The following SPRED3 variants were observed in gnomAD, a reference collection of about 807,000 sequenced individuals.
The protein encoded by SPRED3 is sprouty related EVH1 domain containing 3.
In SPRED3, 23 loss-of-function variants were observed where a neutral mutation model predicts 37.6. That is an observed-to-expected ratio of 0.61 (90% CI 0.44 to 0.87). SPRED3 has a LOEUF of 0.87. SPRED3 is among the 40% of genes least tolerant of loss of function. The pLI, the probability that SPRED3 is intolerant of heterozygous loss-of-function variation, is 0.00. For missense variants in SPRED3, 584 were observed against 618.6 expected (o/e 0.94, Z 0.59); for synonymous variants, 302 against 279.6 (o/e 1.08, Z -0.80).
At position 38,396,108 on chromosome 19, in the gene SPRED3, C is replaced by A. The variant is rs1332651626; in HGVS notation, c.1196C>A (p.Ala399Asp). ...CHWVAARCGC[A>D]GCGGRHEEAA... ...TGGGTCGCAGCGCGATGCGGCTGCGCCGGCTGCGGGGGTCGCCACGAGGAG... is the reference window on the plus strand; with the variant it reads ...TGGGTCGCAGCGCGATGCGGCTGCGACGGCTGCGGGGGTCGCCACGAGGAG... Residue 399 changes from alanine to aspartate, a missense_variant, in exon 6 of 6, where the codon GCC (alanine) becomes GAC (aspartate). Transcript: ENST00000691638. The A allele has an allele frequency of 7.7e-7, 1 of 1,292,752 alleles. No homozygotes were observed. The highest frequency in any genetic ancestry group is 2.4e-5 in the South Asian group (1 of 41,090). 80.1% of individuals were successfully genotyped at this position (1,292,752 alleles called of 1,614,324 possible).
At position 38,395,553 on chromosome 19, in the gene SPRED3, G is replaced by C. The variant is rs772628012; in HGVS notation, c.641G>C (p.Gly214Ala). ...CCCCTGGCAGGGGCAGGGGGCCTGG[G>C]GTGGGGCGGCCGCGGCTACGAGGAT... ...SEPLAGAGGLGWGGRGYEDYR... is the reference protein window; with the variant it reads ...SEPLAGAGGLAWGGRGYEDYR... The change falls in exon 6 of 6, where the codon GGG (glycine) becomes GCG (alanine). Residue 214 changes from glycine to alanine, a missense_variant. By Grantham distance (60) the Gly-to-Ala change is moderately conservative. This residue lies in a region of SPRED3 where 310 missense variants were observed against 281.1 expected (regional missense o/e 1.10). Coordinates refer to ENST00000691638, the MANE Select transcript of SPRED3 (RefSeq NM_001394336.1). This position sits in a 1 kb window ranked among gnomAD's most constrained non-coding sequence, Gnocchi z 5.2. 1.9e-6 allele frequency: 3 copies of C among 1,555,622 alleles called. No individual in the cohort carries two copies. Among genetic ancestry groups the C allele is most frequent in the Non-Finnish European group, 2.6e-6 (3 of 1,153,618 alleles).
rs1970880954 is a variant in SPRED3, at chr19:38,395,317, C to T, written c.568-163C>T. On this transcript the variant is annotated intron_variant, in intron 5 of 5. Transcript: ENST00000691638. This position sits in a 1 kb window ranked among gnomAD's most constrained non-coding sequence, Gnocchi z 5.2. ...AGGTGTGGGGTTGGTGCGTGGATTCCTCTGTCTGTCCCTGGAGAAAAGTGG... is the reference window on the plus strand; with the variant it reads ...AGGTGTGGGGTTGGTGCGTGGATTCTTCTGTCTGTCCCTGGAGAAAAGTGG... 6.6e-6 allele frequency among the ~76,000 whole-genome samples: 1 copy of T among 152,134 alleles called. No individual in the cohort carries two copies. Among genetic ancestry groups the T allele is most frequent in the African/African-American group, 2.4e-5 (1 of 41,430 alleles).
In SPRED3 at chr19:38,395,885, C is replaced by T. The variant is rs1970891054; in HGVS notation, c.973C>T (p.Leu325=). The change falls in exon 6 of 6, where the codon CTG becomes TTG. Residue 325 remains leucine, a synonymous_variant. Coordinates refer to ENST00000691638, the MANE Select transcript of SPRED3 (RefSeq NM_001394336.1). This position sits in a 1 kb window ranked among gnomAD's most constrained non-coding sequence, Gnocchi z 5.2. Reference sequence around the variant, plus strand: ...AGAGGCCCCGGACCCGGGTCGCCTCCTGGTGCGCCGTCTAAGCTGCCTGTG... The same window carrying T: ...AGAGGCCCCGGACCCGGGTCGCCTCTTGGTGCGCCGTCTAAGCTGCCTGTG... ...CAEAPDPGRL[L]VRRLSCLWCA... is the part of the protein sequence containing the mutation. 1.3e-6 allele frequency: 2 copies of T among 1,501,718 alleles called. No homozygotes were observed. The highest frequency in any genetic ancestry group is 1.8e-6 in the Non-Finnish European group (2 of 1,133,770). 93.0% of individuals were successfully genotyped at this position (1,501,718 alleles called of 1,614,324 possible).
intron 4 of SPRED3, among the ~76,000 whole-genome samples, chr19:38,394,034 C>T (rs1161565302): frequency 6.6e-6 from 1 of 152,192 alleles, no homozygotes; most frequent in Non-Finnish European, 1.5e-5. Flanking sequence ...GAGTCTGGCA[C>T]GTCGTGGGTG....
chr19:38,390,777 C>CT (rs1555745957), intron 2 of SPRED3, among the ~76,000 whole-genome samples: 4 of 129,284 alleles, frequency 3.1e-5, no homozygotes, highest in Non-Finnish European at 6.8e-5. Flanking sequence ...CCCCCCCCCC[C>CT]GCCCCGACTC....
Position 38,390,421 on chromosome 19 carries a change from AG to A in SPRED3, c.127del (p.Ala43ProfsTer24), listed in dbSNP as rs754253989. 1.1e-4 allele frequency: 149 copies of A among 1,329,516 alleles called. No homozygotes were observed. The highest frequency in any genetic ancestry group is 7.0e-4 in the South Asian group (34 of 48,440). The allele number at this position is 1,329,516 out of a possible 1,614,324, so 82.4% of individuals were successfully genotyped here. On this transcript the variant is annotated frameshift_variant, in exon 2 of 6. Transcript: ENST00000691638. LOFTEE classifies it high-confidence loss of function. ...TGTCGGGTCCGAGGGGCCAGGCCCGAGGGGGGGGCCCGCCAGGGGCACTACG... is the reference window on the plus strand; with the variant it reads ...TGTCGGGTCCGAGGGGCCAGGCCCGAGGGGGGGCCCGCCAGGGGCACTACG... ...SVCRVRGARPEGGARQGHYVI... is the reference protein window; with the variant it reads ...SVCRVRGARPXGGARQGHYVI...
Position 38,397,514 on chromosome 19 carries a change from C to T in SPRED3, c.*1369C>T, listed in dbSNP as rs1285638313. On this transcript the variant is annotated 3_prime_UTR_variant, in exon 6 of 6. Transcript: ENST00000691638. ...TTCGAGGTGCCCCAAGACCCCAGCA[C>T]CCTCAGACCCCAGATTTCTTTGGAT... is the stretch of plus-strand genomic sequence containing the variant. 1 of 152,140 alleles carries T rather than the reference C, an allele frequency of 6.6e-6. No homozygotes were observed. Among genetic ancestry groups the T allele is most frequent in the Non-Finnish European group, 1.5e-5 (1 of 68,092 alleles). The allele number at this position is 152,140 out of a possible 1,614,324, so 9.4% of individuals were successfully genotyped here.
intron 2 of SPRED3, among the ~76,000 whole-genome samples, chr19:38,391,182 G>A (rs1483669854): frequency 6.6e-6 from 1 of 151,942 alleles, no homozygotes; most frequent in Non-Finnish European, 1.5e-5. Flanking sequence ...GGGAATCTGT[G>A]GAAGTCTGAT....
chr19:38,396,067 C>G lies in SPRED3; in HGVS notation c.1155C>G (p.Pro385=). The G allele has an allele frequency of 1.5e-6, 2 of 1,348,774 alleles. No individual in the cohort carries two copies. The highest frequency in any genetic ancestry group is 1.9e-6 in the Non-Finnish European group (2 of 1,055,452). 83.6% of individuals were successfully genotyped at this position (1,348,774 alleles called of 1,614,324 possible). ...TGCCCTGCCTCTGCTGCTACGCGCC[C>G]CTGCGCGCGTGCCACTGGGTCGCAG... ...LAVPCLCCYA[P]LRACHWVAAR... Residue 385 remains proline, a synonymous_variant, in exon 6 of 6, where the codon CCC becomes CCG. Transcript: ENST00000691638.
At position 38,392,223 on chromosome 19, in the gene SPRED3, C is replaced by CCCT. The variant is rs151129136; in HGVS notation, c.381_383dup (p.Ser128dup). 2.1e-4 allele frequency: 324 copies of CCCT among 1,570,380 alleles called. No homozygotes were observed. The highest frequency in any genetic ancestry group is 6.7e-4 in the South Asian group (56 of 84,200). On this transcript the variant is annotated inframe_insertion, in exon 4 of 6. Coordinates refer to ENST00000691638, the MANE Select transcript of SPRED3 (RefSeq NM_001394336.1). ...TCTCCCTGCCCCAGGCTCACTCACCCCCTCCTCCTCCTCCTCCTCCTCCTC... is the reference window on the plus strand; with the variant it reads ...TCTCCCTGCCCCAGGCTCACTCACCCCCTCCTCCTCCTCCTCCTCCTCCTCCTC...
Position 38,395,341 on chromosome 19 carries a change from G to T in SPRED3, c.568-139G>T, listed in dbSNP as rs1970881390. 3.9e-6 allele frequency: 3 copies of T among 775,348 alleles called. No homozygotes were observed. In the East Asian group the frequency reaches 1.0e-4, roughly 26 times the overall value. 48.0% of individuals were successfully genotyped at this position (775,348 alleles called of 1,614,324 possible). On this transcript the variant is annotated intron_variant, in intron 5 of 5. Transcript: ENST00000691638. This position sits in a 1 kb window ranked among gnomAD's most constrained non-coding sequence, Gnocchi z 5.2. ...CCTCTGTCTGTCCCTGGAGAAAAGTGGGGATTGAGGGACCTTGGGAGAGAA... is the reference window on the plus strand; with the variant it reads ...CCTCTGTCTGTCCCTGGAGAAAAGTTGGGATTGAGGGACCTTGGGAGAGAA...
In SPRED3 at chr19:38,395,765, G is replaced by A; in HGVS notation, c.853G>A (p.Ala285Thr). ...CGGCCCGGGCCCATCCTCTGCGCCT[G>A]CCAAGGCCTCCCCGGAAGCGGAGGA... ...PPGPGPSSAP[A>T]KASPEAEEAA... Residue 285 changes from alanine (A) to threonine (T), a missense_variant, in exon 6 of 6, where the codon GCC becomes ACC. Transcript: ENST00000691638. This position sits in a 1 kb window ranked among gnomAD's most constrained non-coding sequence, Gnocchi z 5.2. 6.8e-7 allele frequency: 1 copy of A among 1,460,218 alleles called. No homozygotes were observed. The highest frequency in any genetic ancestry group is 9.0e-7 in the Non-Finnish European group (1 of 1,114,750). The allele number at this position is 1,460,218 out of a possible 1,614,324, so 90.5% of individuals were successfully genotyped here.
rs972204600 is a variant in SPRED3 at position 38,390,629 on chromosome 19, G to A, written c.177+150G>A. The A allele has an allele frequency of 6.0e-5, 37 of 615,492 alleles. No individual in the cohort carries two copies. In the African/African-American group the frequency reaches 6.7e-4, roughly 11 times the overall value. 38.1% of individuals were successfully genotyped at this position (615,492 alleles called of 1,614,324 possible). A position where few individuals can be genotyped will look rare whatever the true frequency, so the allele number is the denominator to read the frequency against. On this transcript the variant is annotated intron_variant, in intron 2 of 5. Transcript: ENST00000691638. ...GAGTGAATATCTGTCCTGTAGATAA[G>A]AGTTGGGAATTGCAGGATACATGGG... is the stretch of plus-strand genomic sequence containing the variant.
chr19:38,392,075 C>T lies in SPRED3; in HGVS notation c.307C>T (p.Gln103Ter), dbSNP rs1970839164. ...FQSPAEADEF[Q>*]KSLLAALAAL... ...GAGCCCTGCAGAGGCTGATGAGTTC[C>T]AGAAGAGCCTGCTGGCTGCGCTGGC... The change falls in exon 3 of 6, where the codon CAG becomes TAG. Residue 103 changes from glutamine to a stop codon, truncating the protein, a stop_gained. Transcript: ENST00000691638. LOFTEE classifies it high-confidence loss of function. 6.2e-7 allele frequency: 1 copy of T among 1,614,220 alleles called. No individual in the cohort carries two copies. The highest frequency in any genetic ancestry group is 8.5e-7 in the Non-Finnish European group (1 of 1,180,034).
chr19:38,394,819 A>G (rs1453251202), intron 5 of SPRED3, 33 bp downstream of exon 5: 1 of 1,518,268 alleles, frequency 6.6e-7, no homozygotes. Flanking sequence ...TCCTGGGGGA[A>G]TGGGGCGGTG....
In SPRED3 at chr19:38,391,999, C is replaced by T; in HGVS notation, c.231C>T (p.Pro77=). 1 of 1,614,190 alleles carries T rather than the reference C, an allele frequency of 6.2e-7. No individual in the cohort carries two copies. Among genetic ancestry groups the T allele is most frequent in the East Asian group, 2.2e-5 (1 of 44,884 alleles). ...GCTTGGTTTACAACAAGGTGAATCC[C>T]ATCTTTCACCACTGGAGCCTGGGTG... The part of the protein sequence containing the change: ...KPGLVYNKVN[P]IFHHWSLGDC... Residue 77 remains proline, a synonymous_variant, in exon 3 of 6, where the codon CCC becomes CCT. Coordinates refer to ENST00000691638, the MANE Select transcript of SPRED3 (RefSeq NM_001394336.1).
intron 4 of SPRED3, chr19:38,394,411 G>A: frequency 1.3e-6 from 2 of 1,536,616 alleles, no homozygotes; most frequent in Non-Finnish European, 1.8e-6. Flanking sequence ...GGCCCTAACC[G>A]CATCCTTATG....
chr19:38,392,182 A>G (rs557157376), intron 3 of SPRED3, 30 bp from the exon 4 acceptor site: 1 of 1,600,206 alleles, frequency 6.2e-7, no homozygotes, highest in Admixed American at 1.7e-5. Flanking sequence ...GGCTCAAGGA[A>G]CTCACTCTCT....
At chr19:38,391,805 C>T in intron 2 of SPRED3, 141 bp from the exon 3 acceptor site, 1 of 955,058 alleles carries the variant, frequency 1.0e-6, no homozygotes, top group East Asian at 2.4e-5. Context: ...CAGTGTTGAT[C>T]AGAGTTCAGG....
Sources: allele counts gnomAD v4.1 joint callset (sites outside exome capture counted in the v4.1 genomes callset), GRCh38; gene constraint gnomAD v4.1.1; regional missense constraint gnomAD v4.1.1; non-coding constraint Gnocchi (gnomAD v3.1); transcripts MANE v1.5; gene names NCBI Gene and HGNC (gene_info 2026-07-23, HGNC 2026-07-21).